CNTN5: variants seen among roughly 807,000 people sequenced by gnomAD.
CNTN5 encodes the protein contactin 5, also known as contactin-5.
In CNTN5, 77 loss-of-function variants were observed where a neutral mutation model predicts 129.1. That is an observed-to-expected ratio of 0.60 (90% CI 0.50 to 0.72). The LOEUF is 0.72. Ranked by LOEUF, CNTN5 falls within the 30% of genes least tolerant of loss-of-function variation. CNTN5 has a pLI of 0.00. For synonymous variants in CNTN5, 509 were observed against 465.6 expected, an observed-to-expected ratio of 1.09 and a Z score of -1.20; for missense variants, 1,478 against 1,328.8, an observed-to-expected ratio of 1.11 and a Z score of -1.75.
At chr11:99,289,214 C>A (rs913801801) in intron 1 of CNTN5, among the ~76,000 whole-genome samples, 2 of 151,848 alleles carry the variant, frequency 1.3e-5, no homozygotes, top group African/African-American at 4.8e-5. Context: ...CCTTCCTCTG[C>A]AACTGTACCA....
At chr11:99,728,800 C>G (rs1591048213) in intron 3 of CNTN5, among the ~76,000 whole-genome samples, 1 of 152,226 alleles carries the variant, frequency 6.6e-6, no homozygotes, top group African/African-American at 2.4e-5. Context: ...TTAAAAAAAA[C>G]AGTCAGCAGT....
chr11:100,200,480 T>C (rs1948751642), intron 15 of CNTN5, among the ~76,000 whole-genome samples: 1 of 151,956 alleles, frequency 6.6e-6, no homozygotes, highest in African/African-American at 2.4e-5. Context: ...ATAGCTGTTT[T>C]ATCTTTATGA....
At chr11:99,140,137 A>G (rs1271874858) in intron 1 of CNTN5, among the ~76,000 whole-genome samples, 1 of 152,222 alleles carries the variant, frequency 6.6e-6, no homozygotes. Context: ...AAAAATACAT[A>G]TAGAATTTAA....
intron 3 of CNTN5, among the ~76,000 whole-genome samples, chr11:99,653,862 A>C (rs750372592): frequency 4.6e-5 from 7 of 151,974 alleles, no homozygotes; most frequent in Non-Finnish European, 8.8e-5. Flanking sequence ...ATTTTTTTTA[A>C]TGATTTCTAC....
chr11:99,452,599 C>G (rs551678183), intron 2 of CNTN5, among the ~76,000 whole-genome samples: 103 of 152,104 alleles, frequency 6.8e-4, no homozygotes, highest in African/African-American at 2.4e-3. Flanking sequence ...GTCTTGATCT[C>G]CTGACCTTGT....
At chr11:99,706,840 C>CTT (rs11451959) in intron 3 of CNTN5, among the ~76,000 whole-genome samples, 2,388 of 139,610 alleles carry the variant, frequency 0.017, 25 homozygotes, top group Non-Finnish European at 0.024. Context: ...TGTGTCTGGT[C>CTT]TTTTTTTTTT....
intron 13 of CNTN5, among the ~76,000 whole-genome samples, chr11:100,108,387 G>A (rs1362829970): frequency 6.6e-6 from 1 of 152,168 alleles, no homozygotes; most frequent in Non-Finnish European, 1.5e-5. Context: ...TCATTGAGAT[G>A]TGTGAGATGT....
chr11:99,373,435 C>T (rs2202389), intron 2 of CNTN5, among the ~76,000 whole-genome samples: 18,178 of 150,862 alleles, frequency 0.12, 2,045 homozygotes, highest in African/African-American at 0.3. Context: ...ATTAAAAGGC[C>T]GGGCGTGGTG....
At chr11:100,161,830 TACACACACACACACACACACACACACAC>T (rs71050053) in intron 13 of CNTN5, among the ~76,000 whole-genome samples, 1 of 125,834 alleles carries the variant, frequency 7.9e-6, no homozygotes, top group Non-Finnish European at 1.6e-5. Flanking sequence ...TGGAGCTTCC[TACACACACACACACACACACACACACAC>T]ACACACACAC....
chr11:99,937,124 A>G (rs566607938), intron 7 of CNTN5, among the ~76,000 whole-genome samples: 2 of 152,352 alleles, frequency 1.3e-5, no homozygotes, highest in South Asian at 4.1e-4. Flanking sequence ...AATTTAGTTA[A>G]GATAGCTTTT....
intron 3 of CNTN5, among the ~76,000 whole-genome samples, chr11:99,695,341 G>A (rs1267755734): frequency 1.3e-5 from 2 of 151,934 alleles, no homozygotes; most frequent in Non-Finnish European, 2.9e-5. Context: ...GCATTGATGA[G>A]TGATGTTTTG....
intron 18 of CNTN5, among the ~76,000 whole-genome samples, chr11:100,286,196 C>T (rs1298173548): frequency 6.6e-6 from 1 of 152,214 alleles, no homozygotes; most frequent in African/African-American, 2.4e-5. Context: ...CCCGCCATTG[C>T]CCAGGCTTGC....
At chr11:100,307,248 T>A (rs911624586) in intron 20 of CNTN5, among the ~76,000 whole-genome samples, 5 of 151,504 alleles carry the variant, frequency 3.3e-5, no homozygotes, top group Admixed American at 1.3e-4. Flanking sequence ...AAAAAAAAAA[T>A]TCATAGATGA....
chr11:99,267,658 A>G (rs1339384411), intron 1 of CNTN5, among the ~76,000 whole-genome samples: 1 of 152,014 alleles, frequency 6.6e-6, no homozygotes, highest in African/African-American at 2.4e-5. Flanking sequence ...CTTTTTGATG[A>G]AAGGGCATAC....
intron 3 of CNTN5, among the ~76,000 whole-genome samples, chr11:99,719,476 G>A (rs1943094500): frequency 6.6e-6 from 1 of 152,162 alleles, no homozygotes; most frequent in East Asian, 1.9e-4. Flanking sequence ...ATAATACAGT[G>A]AAGAGGAAAC....
intron 6 of CNTN5, among the ~76,000 whole-genome samples, chr11:99,889,635 G>A (rs890176962): frequency 1.3e-5 from 2 of 150,336 alleles, no homozygotes; most frequent in African/African-American, 2.4e-5. Flanking sequence ...TCCTGGGTTC[G>A]AGCGATTCTC....
At chr11:99,906,778 C>CT (rs1205278755) in intron 6 of CNTN5, among the ~76,000 whole-genome samples, 15 of 151,752 alleles carry the variant, frequency 9.9e-5, no homozygotes, top group South Asian at 4.2e-4. Flanking sequence ...TGATCCTGGG[C>CT]TTTTTTTTGG....
intron 24 of CNTN5, 30 bp from the exon 25 acceptor site, chr11:100,356,087 T>A (rs114811929): frequency 6.8e-7 from 1 of 1,473,412 alleles, no homozygotes; most frequent in African/African-American, 1.4e-5. Flanking sequence ...CCAAGATAAT[T>A]TGCTCCATTT....
chr11:99,800,238 GA>G (rs1306480772), intron 3 of CNTN5, among the ~76,000 whole-genome samples: 1 of 152,002 alleles, frequency 6.6e-6, no homozygotes, highest in African/African-American at 2.4e-5. Flanking sequence ...TCATTCAGGA[GA>G]AAATTGTCTA....
Sources: gnomAD v4.1 joint callset for allele counts (sites outside exome capture counted in the v4.1 genomes callset) on GRCh38, gnomAD v4.1.1 for gene constraint, MANE v1.5 for transcripts, NCBI Gene and HGNC (gene_info 2026-07-23, HGNC 2026-07-21) for gene names.